PPFIBP2: variants seen among roughly 807,000 people sequenced by gnomAD.
PPFIBP2 encodes the protein PPFIB scaffold protein 2.
In PPFIBP2, 118 loss-of-function variants were observed where a neutral mutation model predicts 118.3. That is an observed-to-expected ratio of 1.00 (90% CI 0.86 to 1.16). The LOEUF (loss-of-function observed/expected upper bound fraction) is 1.16. Ranked by LOEUF, PPFIBP2 falls within the 50% of genes most tolerant of loss-of-function variation. The pLI is 0.00. For synonymous variants in PPFIBP2, 414 were observed against 397.4 expected (o/e 1.04, Z -0.50); for missense variants, 1,195 against 1,073.1 (o/e 1.11, Z -1.59).
chr11:7,569,039 T>G (rs1335515852), intron 3 of PPFIBP2: 4 of 152,254 alleles, frequency 2.6e-5, no homozygotes, highest in African/African-American at 9.6e-5. Context: ...GGAGCATCTG[T>G]GGTCCATCAG....
intron 3 of PPFIBP2, among the ~76,000 whole-genome samples, chr11:7,587,198 A>T (rs1366797225): frequency 6.6e-6 from 1 of 152,206 alleles, no homozygotes; most frequent in African/African-American, 2.4e-5. Context: ...CACAAAGGAC[A>T]CTGAGTGCCC....
intron 3 of PPFIBP2, among the ~76,000 whole-genome samples, chr11:7,570,694 C>T (rs1452549720): frequency 1.3e-5 from 2 of 152,044 alleles, no homozygotes; most frequent in African/African-American, 2.4e-5. Flanking sequence ...TCTCAAGAGT[C>T]CTGGTCAGTG....
chr11:7,617,397 C>T, intron 6 of PPFIBP2: 8 of 727,718 alleles, frequency 1.1e-5, no homozygotes, highest in Non-Finnish European at 1.3e-5. Context: ...AGTGGCTTGG[C>T]ATGGATCTGT....
rs556451940 is a variant in PPFIBP2 at position 7,580,999 on chromosome 11, T to C, written c.280-12133T>C. Among the ~76,000 whole-genome samples the C allele has an allele frequency of 2.0e-5, 3 of 152,316 alleles. No homozygotes were observed. In the East Asian group the frequency reaches 5.8e-4, roughly 29 times the overall value. ...GATCAAGGTCTCAAACCAAGCATAT[T>C]GAAGACCTAGAAAAGGCAGCTGCAA... On this transcript the variant is annotated intron_variant, in intron 3 of 23. Transcript: ENST00000299492.
intron 15 of PPFIBP2, 39 bp downstream of exon 15, chr11:7,639,909 T>C (rs767791264): frequency 1.3e-6 from 2 of 1,589,020 alleles, no homozygotes; most frequent in Non-Finnish European, 1.7e-6. Context: ...CTCTGAGCAG[T>C]GTCCTTGGCA....
downstream of PPFIBP2, chr11:7,653,897 A>G (rs1166040117): frequency 2.4e-6 from 2 of 849,642 alleles, no homozygotes. Context: ...AGGATTCACC[A>G]GGGGGGTAGA....
At chr11:7,638,640 G>GT (rs1565103536) in intron 14 of PPFIBP2, among the ~76,000 whole-genome samples, 1 of 152,172 alleles carries the variant, frequency 6.6e-6, no homozygotes, top group East Asian at 1.9e-4. Context: ...AATCTGTTTT[G>GT]TTTTTTATAT....
intron 2 of PPFIBP2, 70 bp downstream of exon 2, chr11:7,549,609 CTTTT>C (rs386373033): frequency 4.8e-4 from 553 of 1,140,558 alleles, no homozygotes; most frequent in Admixed American, 8.8e-4. Flanking sequence ...TCTCCTTTTA[CTTTT>C]TTTTTTTTTT....
chr11:7,598,536 T>A (rs140209546), intron 5 of PPFIBP2: 2 of 154,524 alleles, frequency 1.3e-5, no homozygotes, highest in African/African-American at 4.8e-5. Flanking sequence ...ATCTTAAATT[T>A]TCCTTAAGTC....
At chr11:7,590,561 G>T (rs965653760) in intron 3 of PPFIBP2, among the ~76,000 whole-genome samples, 2 of 152,114 alleles carry the variant, frequency 1.3e-5, no homozygotes, top group African/African-American at 4.8e-5. Flanking sequence ...CACTGTTCTA[G>T]GTCCTCTAAC....
In PPFIBP2 at chr11:7,630,909, A is replaced by G; in HGVS notation, c.965-16A>G. 2 of 1,589,292 alleles carry G rather than the reference A, an allele frequency of 1.3e-6. No homozygotes were observed. Among genetic ancestry groups the G allele is most frequent in the Non-Finnish European group, 1.7e-6 (2 of 1,157,374 alleles). On this transcript the variant is annotated splice_polypyrimidine_tract_variant and intron_variant, in intron 10 of 23. Coordinates refer to ENST00000299492, the MANE Select transcript of PPFIBP2 (RefSeq NM_003621.5). Reference sequence around the variant, plus strand: ...ATGAATTCAACAATTCAGTCTTACTACCTTAATGCTTGCAGGGCCTTCGGA... The same window carrying G: ...ATGAATTCAACAATTCAGTCTTACTGCCTTAATGCTTGCAGGGCCTTCGGA...
intron 1 of PPFIBP2, among the ~76,000 whole-genome samples, chr11:7,521,565 C>T (rs188251997): frequency 3.3e-5 from 5 of 152,340 alleles, no homozygotes; most frequent in Admixed American, 2.0e-4. Context: ...GCCCCTAAGT[C>T]GTTTTTACTC....
rs373131546 is a variant in PPFIBP2, at chr11:7,635,606, C to G, written c.1236+13C>G. 1.3e-6 allele frequency: 2 copies of G among 1,598,478 alleles called. No homozygotes were observed. Among genetic ancestry groups the G allele is most frequent in the Admixed American group, 3.3e-5 (2 of 59,986 alleles). ...GTTAGAACCCAAGGTACATTGACTT[C>G]GTGCCCCGTCGTCTATTTGTGGTTA... is the stretch of plus-strand genomic sequence containing the variant. On this transcript the variant is annotated intron_variant, in intron 14 of 23. Transcript: ENST00000299492.
intron 1 of PPFIBP2, among the ~76,000 whole-genome samples, chr11:7,547,869 TG>T (rs1476539008): frequency 6.6e-6 from 1 of 152,156 alleles, no homozygotes; most frequent in Non-Finnish European, 1.5e-5. Flanking sequence ...TCCACAAGCA[TG>T]GTTGCTTATC....
At chr11:7,648,360 G>T (rs1853434719) in intron 17 of PPFIBP2, 27 bp from the exon 18 acceptor site, 1 of 1,596,144 alleles carries the variant, frequency 6.3e-7, no homozygotes, top group South Asian at 1.1e-5. Context: ...CCCACTAACA[G>T]GAATATGCTG....
chr11:7,600,575 C>T lies in PPFIBP2; in HGVS notation c.486+2902C>T, dbSNP rs1188119533. Among the ~76,000 whole-genome samples the T allele has an allele frequency of 2.0e-5, 3 of 152,206 alleles. No homozygotes were observed. The East Asian group carries it at 5.8e-4, about 29-fold the overall frequency. ...GGAGGCAAACAATTGCCTCTTTCTG[C>T]CAGCCTCAGAAACCATTCCTGCCTG... On this transcript the variant is annotated intron_variant, in intron 5 of 23. Transcript: ENST00000299492.
downstream of PPFIBP2, among the ~76,000 whole-genome samples, chr11:7,659,148 A>G (rs1238113448): frequency 1.3e-5 from 2 of 149,532 alleles, no homozygotes; most frequent in Non-Finnish European, 3.0e-5. Context: ...CTTTAGTTTA[A>G]TTAGATCCCA....
At chr11:7,643,679 C>A (rs1852555402) in intron 17 of PPFIBP2, among the ~76,000 whole-genome samples, 1 of 152,146 alleles carries the variant, frequency 6.6e-6, no homozygotes, top group African/African-American at 2.4e-5. Flanking sequence ...ATGTTAATGT[C>A]CTCTGGTGAT....
downstream of PPFIBP2, chr11:7,656,776 C>A (rs1299055220): frequency 7.8e-7 from 1 of 1,289,860 alleles, no homozygotes; most frequent in Non-Finnish European, 1.0e-6. Context: ...CTGCCTGCCC[C>A]CAACTCTGAT....
Sources: allele counts gnomAD v4.1 joint callset (sites outside exome capture counted in the v4.1 genomes callset), GRCh38; gene constraint gnomAD v4.1.1; transcripts MANE v1.5; gene names NCBI Gene and HGNC (gene_info 2026-07-23, HGNC 2026-07-21).